Variants in BGN observed in about 807,000 individuals in gnomAD.
BGN encodes the protein bone/cartilage proteoglycan-I.
Under a neutral mutation model 20.0 loss-of-function variants are expected in BGN, and 6 were observed. The observed-to-expected ratio is 0.30, with a 90% CI of 0.16 to 0.59. The LOEUF (loss-of-function observed/expected upper bound fraction) is 0.59. Among genes scored for constraint, BGN ranks in the 20% least tolerant of loss-of-function variants. The pLI is 0.88. For missense variants in BGN, 292 were observed against 312.1 expected (o/e 0.94, Z 0.49); for synonymous variants, 146 against 134.6 (o/e 1.08, Z -0.59).
Position 153,508,461 on chromosome X carries a change from C to A in BGN, c.*16C>A. On this transcript the variant is annotated 3_prime_UTR_variant, in exon 8 of 8. Coordinates refer to ENST00000331595, the MANE Select transcript of BGN (RefSeq NM_001711.6). ...CAAAAAGTAGAGGCAGCTGCAGCCACCGCGGGGCCTCAGTGGGGGTCTCTG... is the reference window on the plus strand; with the variant it reads ...CAAAAAGTAGAGGCAGCTGCAGCCAACGCGGGGCCTCAGTGGGGGTCTCTG... 8.3e-7 allele frequency: 1 copy of A among 1,204,473 alleles called. No individual in the cohort carries two copies.
At chrX:153,500,967 TGA>T (rs1331103242) in intron 1 of BGN, among the ~76,000 whole-genome samples, 16 of 112,100 alleles carry the variant, frequency 1.4e-4, no homozygotes, top group Non-Finnish European at 3.0e-4. Context: ...TATGCATGTG[TGA>T]GTGTCTAGGT....
intron 1 of BGN, among the ~76,000 whole-genome samples, chrX:153,498,981 G>T (rs1272649367): frequency 8.9e-6 from 1 of 111,864 alleles, no homozygotes; most frequent in African/African-American, 3.3e-5. Context: ...ATTGGGAGAG[G>T]GTGGGTCCAG....
chrX:153,501,538 C>T (rs1483680191), intron 1 of BGN, among the ~76,000 whole-genome samples: 5 of 112,801 alleles, frequency 4.4e-5, no homozygotes, highest in African/African-American at 1.6e-4. Flanking sequence ...ACTCATCAGG[C>T]CAGCTCCAGG....
At chrX:153,496,711 G>T (rs1440699605) in intron 1 of BGN, among the ~76,000 whole-genome samples, 2 of 112,287 alleles carry the variant, frequency 1.8e-5, no homozygotes, top group Admixed American at 1.9e-4. Flanking sequence ...AAAGGAAGGG[G>T]GGTGTTTCCA....
intron 1 of BGN, among the ~76,000 whole-genome samples, chrX:153,498,005 C>A (rs1232158653): frequency 8.9e-6 from 1 of 112,733 alleles, no homozygotes; most frequent in African/African-American, 3.2e-5. Flanking sequence ...CAGCTTCCCA[C>A]CTGCGCAGCT....
At chrX:153,501,160 GT>G (rs1357559192) in intron 1 of BGN, among the ~76,000 whole-genome samples, 1 of 111,952 alleles carries the variant, frequency 8.9e-6, no homozygotes, top group East Asian at 2.8e-4. Context: ...GCACGTGTGT[GT>G]ATGTGAGCGT....
chrX:153,505,242 G>C lies in BGN; in HGVS notation c.243G>C (p.Leu81=). 1 of 1,202,119 alleles carries C rather than the reference G, an allele frequency of 8.3e-7. No individual in the cohort carries two copies. Among genetic ancestry groups the C allele is most frequent in the Non-Finnish European group, 1.1e-6 (1 of 888,413 alleles). The stretch of plus-strand genomic sequence containing the variant: ...TGATGGGGGTGGGGCCCCTAGGTCT[G>C]AAGTCTGTGCCCAAAGAGATCTCCC... ...LRVVQCSDLG[L]KSVPKEISPD... is the part of the protein sequence containing the mutation. The change falls in exon 3 of 8, where the codon CTG becomes CTC. Residue 81 remains leucine (L), a synonymous_variant. Transcript: ENST00000331595.
intron 4 of BGN, 60 bp from the exon 5 acceptor site, chrX:153,506,469 C>G: frequency 9.5e-7 from 1 of 1,053,949 alleles, no homozygotes; most frequent in Non-Finnish European, 1.3e-6. Context: ...CCGGAAGTGA[C>G]AGGACCCAGG....
intron 1 of BGN, among the ~76,000 whole-genome samples, chrX:153,497,590 G>T (rs1404999160): frequency 8.9e-6 from 1 of 112,246 alleles, no homozygotes; most frequent in Non-Finnish European, 1.9e-5. Flanking sequence ...CTGTGGGGAG[G>T]GCGCATGGCT....
chrX:153,497,271 G>A (rs1452719372), intron 1 of BGN, among the ~76,000 whole-genome samples: 3 of 107,404 alleles, frequency 2.8e-5, no homozygotes, highest in Non-Finnish European at 3.9e-5. Context: ...CTGGTGGGTG[G>A]GGACCCACCA....
At position 153,504,607 on chromosome X, in the gene BGN, G is replaced by T; in HGVS notation, c.-11-14G>T. 1.7e-6 allele frequency: 2 copies of T among 1,157,760 alleles called. No individual in the cohort carries two copies. The highest frequency in any genetic ancestry group is 1.9e-5 in the South Asian group (1 of 53,980). ...GGGTGCTGGTGCTGATGATCCCCTC[G>T]CCTCTTCCCCCAGGTCCATCCGCCA... On this transcript the variant is annotated splice_polypyrimidine_tract_variant and intron_variant, in intron 1 of 7. Coordinates refer to ENST00000331595, the MANE Select transcript of BGN (RefSeq NM_001711.6).
rs782354774 is a variant in BGN at position 153,504,826 on chromosome X, C to A, written c.195C>A (p.Phe65Leu). Reference sequence around the variant, plus strand: ...CCACCTACAGCGCCATGTGTCCTTTCGGCTGCCACTGCCACCTGCGGGTGG... The same window carrying A: ...CCACCTACAGCGCCATGTGTCCTTTAGGCTGCCACTGCCACCTGCGGGTGG... ...VTPTYSAMCP[F>L]GCHCHLRVVQ... Residue 65 changes from phenylalanine to leucine, a missense_variant, in exon 2 of 8, where the codon TTC (phenylalanine) becomes TTA (leucine). Transcript: ENST00000331595. 1 of 1,208,889 alleles carries A rather than the reference C, an allele frequency of 8.3e-7. No homozygotes were observed. The highest frequency in any genetic ancestry group is 3.0e-5 in the East Asian group (1 of 33,771).
At chrX:153,507,009 C>G (rs373355433) in intron 6 of BGN, 38 bp from the exon 7 acceptor site, 1 of 1,210,013 alleles carries the variant, frequency 8.3e-7, no homozygotes, top group Admixed American at 2.2e-5. Context: ...CCATCCTTAC[C>G]TCCAGCCTTT....
chrX:153,507,398 A>G (rs782133422), intron 7 of BGN, among the ~76,000 whole-genome samples: 4 of 112,431 alleles, frequency 3.6e-5, no homozygotes, highest in Non-Finnish European at 7.5e-5. Flanking sequence ...TAGCTCTTGG[A>G]CCCGAGGGTC....
intron 4 of BGN, 72 bp downstream of exon 4, chrX:153,506,148 CT>C: frequency 1.0e-6 from 1 of 1,002,359 alleles, no homozygotes; most frequent in Non-Finnish European, 1.4e-6. Flanking sequence ...CAAGGGATAC[CT>C]TTAGAGGCTC....
At position 153,507,080 on chromosome X, in the gene BGN, C is replaced by A. The variant is rs781997038; in HGVS notation, c.804C>A (p.Ile268=). ...LGLGHNQIRM[I]ENGSLSFLPT... ...TAGGCCACAACCAGATCAGGATGAT[C>A]GAGAACGGGAGCCTGAGCTTCCTGC... The change falls in exon 7 of 8, where the codon ATC becomes ATA. Residue 268 remains isoleucine, a synonymous_variant. Coordinates refer to ENST00000331595, the MANE Select transcript of BGN (RefSeq NM_001711.6). 23 of 1,207,945 alleles carry A rather than the reference C, an allele frequency of 1.9e-5. No individual in the cohort carries two copies. Among genetic ancestry groups the A allele is most frequent in the Non-Finnish European group, 2.3e-5 (21 of 893,955 alleles).
Position 153,506,020 on chromosome X carries a change from G to A in BGN, c.509G>A (p.Arg170His), listed in dbSNP as rs782454465. Reference sequence around the variant, plus strand: ...GTGGAGCTCCGCATCCACGACAACCGCATCCGCAAGGTGCCCAAGGGAGTG... The same window carrying A: ...GTGGAGCTCCGCATCCACGACAACCACATCCGCAAGGTGCCCAAGGGAGTG... Reference protein sequence around the residue: ...SLVELRIHDNRIRKVPKGVFS... With the variant: ...SLVELRIHDNHIRKVPKGVFS... Residue 170 changes from arginine to histidine, a missense_variant, in exon 4 of 8, where the codon CGC (arginine) becomes CAC (histidine). By Grantham distance (29) the Arg-to-His change is conservative. Coordinates refer to ENST00000331595, the MANE Select transcript of BGN (RefSeq NM_001711.6). The A allele has an allele frequency of 1.6e-5, 19 of 1,210,164 alleles. No individual in the cohort carries two copies. Among genetic ancestry groups the A allele is most frequent in the Non-Finnish European group, 1.8e-5 (16 of 895,258 alleles).
At chrX:153,501,537 G>T (rs1183789388) in intron 1 of BGN, among the ~76,000 whole-genome samples, 1 of 112,749 alleles carries the variant, frequency 8.9e-6, no homozygotes, top group Non-Finnish European at 1.9e-5. Flanking sequence ...TACTCATCAG[G>T]CCAGCTCCAG....
intron 1 of BGN, among the ~76,000 whole-genome samples, chrX:153,496,382 G>A: frequency 8.8e-6 from 1 of 113,232 alleles, no homozygotes; most frequent in Non-Finnish European, 1.9e-5. Flanking sequence ...GCCGGTGCCA[G>A]CCGCACCCCA....
Sources: allele counts gnomAD v4.1 joint callset (sites outside exome capture counted in the v4.1 genomes callset), GRCh38; gene constraint gnomAD v4.1.1; transcripts MANE v1.5; gene names NCBI Gene and HGNC (gene_info 2026-07-23, HGNC 2026-07-21).